NDE1: variants seen among roughly 807,000 people sequenced by gnomAD.
The protein encoded by NDE1 is nudE neurodevelopment protein 1.
In NDE1, 28 loss-of-function variants were observed where a neutral mutation model predicts 43.4. The ratio of observed to expected loss-of-function variants is 0.65; its 90% CI spans 0.48 to 0.89. NDE1 has a LOEUF of 0.89. Among genes scored for constraint, NDE1 ranks in the 40% least tolerant of loss-of-function variants. NDE1 has a pLI of 0.00. For missense variants in NDE1, 441 were observed against 434.1 expected (o/e 1.02, Z -0.14); for synonymous variants, 184 against 172.0 (o/e 1.07, Z -0.55).
rs34053597 is a variant in NDE1 at position 15,644,918 on chromosome 16, CTTT to C, written c.-166+1008_-166+1010del. Among the ~76,000 whole-genome samples, 16 of 129,578 alleles carry C rather than the reference CTTT, an allele frequency of 1.2e-4. No individual in the cohort carries two copies. The East Asian group carries it at 1.3e-3, about 11-fold the overall frequency. 85.0% of individuals were successfully genotyped at this position (129,578 alleles called of 152,430 possible). The stretch of plus-strand genomic sequence containing the variant: ...AGAATGCAGACACATTTCCTTTTTA[CTTT>C]TTTTTTTTTTTTTTTTGAGACAAAG... On this transcript the variant is annotated intron_variant, in intron 1 of 9. Coordinates refer to the NDE1 transcript ENST00000396355.
At chr16:15,720,790 GA>G in intron 8 of NDE1, 2 of 1,590,486 alleles carry the variant, frequency 1.3e-6, no homozygotes. Context: ...TGATAGGAAT[GA>G]AAAAGGCCAC....
At chr16:15,691,388 G>A in intron 6 of NDE1, 65 bp downstream of exon 6, 1 of 1,551,256 alleles carries the variant, frequency 6.4e-7, no homozygotes, top group South Asian at 1.2e-5. Flanking sequence ...AGAATCTGGG[G>A]TGGGTCCTGG....
chr16:15,670,185 T>A (rs1040641268), intron 3 of NDE1, among the ~76,000 whole-genome samples: 1 of 152,172 alleles, frequency 6.6e-6, no homozygotes, highest in African/African-American at 2.4e-5. Context: ...AAACTCCCAA[T>A]GTACATTTTG....
chr16:15,657,438 G>T (rs1166446477), intron 1 of NDE1, among the ~76,000 whole-genome samples: 1 of 152,086 alleles, frequency 6.6e-6, no homozygotes, highest in Non-Finnish European at 1.5e-5. Flanking sequence ...ATTGATAGAT[G>T]CCTTGGCCCT....
At chr16:15,671,681 C>A (rs1016264799) in intron 3 of NDE1, among the ~76,000 whole-genome samples, 1 of 152,118 alleles carries the variant, frequency 6.6e-6, no homozygotes, top group South Asian at 2.1e-4. Flanking sequence ...GATTATCGTT[C>A]TTTTTGTTGT....
intron 3 of NDE1, among the ~76,000 whole-genome samples, chr16:15,671,324 C>G (rs748670544): frequency 6.6e-6 from 1 of 151,826 alleles, no homozygotes; most frequent in African/African-American, 2.4e-5. Flanking sequence ...GGCAACATAG[C>G]GAGACTCTGT....
At chr16:15,676,469 T>G (rs1164611727) in intron 3 of NDE1, among the ~76,000 whole-genome samples, 2 of 151,896 alleles carry the variant, frequency 1.3e-5, no homozygotes, top group African/African-American at 2.4e-5. Flanking sequence ...ACCTCAGCCC[T>G]CCAAAGTGCT....
chr16:15,677,618 G>T (rs995068570), intron 3 of NDE1, among the ~76,000 whole-genome samples, 183 bp from the exon 4 acceptor site: 1 of 151,586 alleles, frequency 6.6e-6, no homozygotes, highest in African/African-American at 2.4e-5. Context: ...GAGTCTTGCT[G>T]TGTTGCCCAG....
chr16:15,717,786 C>A (rs541549663), intron 8 of NDE1: 64 of 264,354 alleles, frequency 2.4e-4, no homozygotes, highest in Non-Finnish European at 4.2e-4. Context: ...ACAGAGAGAC[C>A]CTGTCTCCAA....
intron 8 of NDE1, chr16:15,719,521 A>T (rs1356251362): frequency 1.9e-6 from 3 of 1,609,980 alleles, no homozygotes; most frequent in Non-Finnish European, 2.5e-6. Context: ...CACAGACTGG[A>T]GCTGCCAAGG....
At chr16:15,682,409 T>A (rs572540548) in intron 4 of NDE1, among the ~76,000 whole-genome samples, 70 of 152,350 alleles carry the variant, frequency 4.6e-4, no homozygotes, top group African/African-American at 1.7e-3. Flanking sequence ...TTGTGCAAGT[T>A]TAATAGTTAT....
intron 8 of NDE1, chr16:15,718,309 C>T: frequency 6.2e-7 from 1 of 1,608,574 alleles, no homozygotes; most frequent in Non-Finnish European, 8.5e-7. Flanking sequence ...TCCAGGCGGC[C>T]CTCACCTGCT....
At chr16:15,645,351 C>T (rs933503161), upstream of NDE1, among the ~76,000 whole-genome samples, 2 of 152,022 alleles carry the variant, frequency 1.3e-5, no homozygotes, top group African/African-American at 4.8e-5. Flanking sequence ...TGAAAATGGG[C>T]GGGGCATGGT....
chr16:15,659,998 C>T (rs540270464), intron 1 of NDE1, among the ~76,000 whole-genome samples: 24 of 151,718 alleles, frequency 1.6e-4, no homozygotes, highest in East Asian at 7.8e-4. Context: ...CTGCCCGCCT[C>T]GGCCTCCCAA....
chr16:15,644,269 G>A (rs2151374825), intron 1 of NDE1, among the ~76,000 whole-genome samples: 1 of 152,232 alleles, frequency 6.6e-6, no homozygotes. Context: ...AGAATATTTT[G>A]CCCAAAAAAA....
chr16:15,703,912 G>C, intron 8 of NDE1: 1 of 1,591,780 alleles, frequency 6.3e-7, no homozygotes, highest in South Asian at 1.1e-5. Context: ...GCTTTGTTCT[G>C]GGTTGTTGTT....
At chr16:15,717,098 C>T (rs2040192349) in intron 8 of NDE1, 2 of 1,600,638 alleles carry the variant, frequency 1.2e-6, no homozygotes, top group Non-Finnish European at 1.7e-6. Flanking sequence ...TGCTGTCCAT[C>T]ACCCCCCTGC....
intron 1 of NDE1, among the ~76,000 whole-genome samples, chr16:15,650,748 TTC>T (rs1210938959): frequency 4.6e-5 from 7 of 151,872 alleles, no homozygotes; most frequent in African/African-American, 1.7e-4. Flanking sequence ...CTCGTTTCTT[TTC>T]TCTCTCTCTC....
At chr16:15,694,091 TG>T in intron 6 of NDE1, 73 bp from the exon 7 acceptor site, 1 of 1,557,884 alleles carries the variant, frequency 6.4e-7, no homozygotes, top group East Asian at 2.3e-5. Flanking sequence ...CCCGTGGTTT[TG>T]GATCTAGCGA....
Sources: gnomAD v4.1 joint callset for allele counts (sites outside exome capture counted in the v4.1 genomes callset) on GRCh38, gnomAD v4.1.1 for gene constraint, MANE v1.5 for transcripts, NCBI Gene and HGNC (gene_info 2026-07-23, HGNC 2026-07-21) for gene names.